CNTFR: variants seen among roughly 807,000 people sequenced by gnomAD.
CNTFR encodes ciliary neurotrophic factor receptor subunit alpha.
A neutral mutation model predicts 40.4 loss-of-function variants in CNTFR; 12 were observed. That is an observed-to-expected ratio of 0.30 (90% confidence interval 0.19 to 0.48). CNTFR has a LOEUF of 0.48. Ranked by LOEUF, CNTFR falls within the 20% of genes least tolerant of loss-of-function variation. CNTFR has a pLI of 0.99. For missense variants in CNTFR, 414 were observed against 506.8 expected, an observed-to-expected ratio of 0.82 and a Z score of 1.76; for synonymous variants, 202 against 209.6, an observed-to-expected ratio of 0.96 and a Z score of 0.31.
At position 34,564,956 on chromosome 9, in the gene CNTFR, G is replaced by T; in HGVS notation, c.86-124C>A. The T allele has an allele frequency of 1.2e-5, 9 of 757,422 alleles. No individual in the cohort carries two copies. The South Asian group carries it at 1.5e-4, about 13-fold the overall frequency. 46.9% of individuals were successfully genotyped at this position (757,422 alleles called of 1,614,324 possible). A position where few individuals can be genotyped will look rare whatever the true frequency, so the allele number is the denominator to read the frequency against. On this transcript the variant is annotated intron_variant, in intron 3 of 9. Coordinates refer to ENST00000378980, the MANE Select transcript of CNTFR (RefSeq NM_147164.3). ...AGTGAGGACGAGAGGCTCGGTGTCT[G>T]TGTGAGTGTTTGGGGAGATGAAGAG...
At position 34,556,238 on chromosome 9, in the gene CNTFR, C is replaced by G. The variant is rs750694184; in HGVS notation, c.768+17G>C. On this transcript the variant is annotated intron_variant, in intron 7 of 9. Coordinates refer to ENST00000378980, the MANE Select transcript of CNTFR (RefSeq NM_147164.3). ...CTAACTCAGGCACCCAGGATCTTGG[C>G]CGGGCAGGGCACTCACATGCTGCCA... The G allele has an allele frequency of 5.0e-6, 8 of 1,601,146 alleles. No individual in the cohort carries two copies. The highest frequency in any genetic ancestry group is 5.9e-6 in the Non-Finnish European group (7 of 1,176,590).
At chr9:34,567,829 A>AGTTTCACACTCTCAGAGAG (rs1826378829) in intron 3 of CNTFR, among the ~76,000 whole-genome samples, 1 of 152,170 alleles carries the variant, frequency 6.6e-6, no homozygotes. Flanking sequence ...ACAAGAACAC[A>AGTTTCACACTCTCAGAGAG]GTTTCACACT....
At position 34,576,436 on chromosome 9, in the gene CNTFR, C is replaced by T. The variant is rs557030657; in HGVS notation, c.-1+4659G>A. Among the ~76,000 whole-genome samples, 4 of 152,354 alleles carry T rather than the reference C, an allele frequency of 2.6e-5. No individual in the cohort carries two copies. In the East Asian group the frequency reaches 5.8e-4, roughly 22 times the overall value. ...CCCTTGGCCTCTCACGCCCCGACAC[C>T]GGCAATGGGAAACACCCACATACAC... On this transcript the variant is annotated intron_variant, in intron 2 of 9. Coordinates refer to ENST00000378980, the MANE Select transcript of CNTFR (RefSeq NM_147164.3).
Position 34,557,779 on chromosome 9 carries a change from G to A in CNTFR, c.438-87C>T. ...GAGGAAAGGTCAAGCCCAAGGCAGGGCTGGGGTATGGACAGAGGGCATGGT... is the reference window on the plus strand; with the variant it reads ...GAGGAAAGGTCAAGCCCAAGGCAGGACTGGGGTATGGACAGAGGGCATGGT... On this transcript the variant is annotated intron_variant, in intron 5 of 9. Transcript: ENST00000378980. This position sits in a 1 kb window ranked among gnomAD's most constrained non-coding sequence, Gnocchi z 4.2. 1 of 1,577,234 alleles carries A rather than the reference G, an allele frequency of 6.3e-7. No homozygotes were observed. Among genetic ancestry groups the A allele is most frequent in the Non-Finnish European group, 8.7e-7 (1 of 1,151,172 alleles).
At chr9:34,561,715 A>C (rs1021358238) in intron 4 of CNTFR, among the ~76,000 whole-genome samples, 1 of 152,242 alleles carries the variant, frequency 6.6e-6, no homozygotes, top group Admixed American at 6.5e-5. Context: ...ATCAGGGGTA[A>C]CTCTGTCCTG....
rs146053127 is a variant in CNTFR at position 34,580,927 on chromosome 9, G to A, written c.-1+168C>T. Among the ~76,000 whole-genome samples, 6 of 152,280 alleles carry A rather than the reference G, an allele frequency of 3.9e-5. No homozygotes were observed. In the East Asian group the frequency reaches 1.2e-3, roughly 29 times the overall value. ...CTCTTCCCTTTCTATTTGAGAGCATGAAAAGCCTCAGCCAGGCTGAGCCCA... is the reference window on the plus strand; with the variant it reads ...CTCTTCCCTTTCTATTTGAGAGCATAAAAAGCCTCAGCCAGGCTGAGCCCA... On this transcript the variant is annotated intron_variant, in intron 2 of 9. Transcript: ENST00000378980.
chr9:34,577,077 T>C (rs1310314813), intron 2 of CNTFR, among the ~76,000 whole-genome samples: 1 of 152,178 alleles, frequency 6.6e-6, no homozygotes, highest in African/African-American at 2.4e-5. Context: ...GGTGCTCCTC[T>C]AACTAACCAC....
chr9:34,566,601 C>T (rs1487279673), intron 3 of CNTFR, among the ~76,000 whole-genome samples: 1 of 152,166 alleles, frequency 6.6e-6, no homozygotes, highest in African/African-American at 2.4e-5. Context: ...AAGCCCCTCT[C>T]TCTGCACCCC....
intron 2 of CNTFR, among the ~76,000 whole-genome samples, chr9:34,579,506 G>C (rs756331106): frequency 1.3e-4 from 20 of 152,054 alleles, no homozygotes; most frequent in Non-Finnish European, 2.2e-4. Context: ...TGGGAGAGGA[G>C]AGACAGAAGG....
chr9:34,552,952 G>T lies in CNTFR; in HGVS notation c.769-98C>A. Reference sequence around the variant, plus strand: ...TGAGCATGCCTCTGAGGAGAGGAGAGTAAAGGGCTCTGGGGGCAGTGAGGA... The same window carrying T: ...TGAGCATGCCTCTGAGGAGAGGAGATTAAAGGGCTCTGGGGGCAGTGAGGA... On this transcript the variant is annotated intron_variant, in intron 7 of 9. Coordinates refer to ENST00000378980, the MANE Select transcript of CNTFR (RefSeq NM_147164.3). The surrounding 1 kb of genome is among the most constrained non-coding windows in gnomAD (Gnocchi z 5.1). The T allele has an allele frequency of 8.3e-7, 1 of 1,202,362 alleles. No homozygotes were observed. Among genetic ancestry groups the T allele is most frequent in the Non-Finnish European group, 1.2e-6 (1 of 847,092 alleles). 74.5% of individuals were successfully genotyped at this position (1,202,362 alleles called of 1,614,324 possible).
intron 2 of CNTFR, among the ~76,000 whole-genome samples, chr9:34,573,861 T>C (rs1222979327): frequency 6.6e-6 from 1 of 151,994 alleles, no homozygotes; most frequent in East Asian, 1.9e-4. Context: ...AGGAATTAGG[T>C]TGGAGCAGAG....
Position 34,589,188 on chromosome 9 carries a change from G to C in CNTFR, c.-112+367C>G, listed in dbSNP as rs993518634. 9.9e-5 allele frequency among the ~76,000 whole-genome samples: 15 copies of C among 152,034 alleles called. No individual in the cohort carries two copies. The highest frequency in any genetic ancestry group is 3.6e-4 in the African/African-American group (15 of 41,392). On this transcript the variant is annotated intron_variant, in intron 1 of 9. Transcript: ENST00000378980. This position sits in a 1 kb window ranked among gnomAD's most constrained non-coding sequence, Gnocchi z 4.4. Reference sequence around the variant, plus strand: ...CTGCCCGAGAAAGAAGCCACCTTTGGGCGCGCAAAGGCCACTACGAACCTC... The same window carrying C: ...CTGCCCGAGAAAGAAGCCACCTTTGCGCGCGCAAAGGCCACTACGAACCTC...
rs919391759 is a variant in CNTFR at position 34,551,740 on chromosome 9, C to T, written c.*331G>A. On this transcript the variant is annotated 3_prime_UTR_variant, in exon 10 of 10. Coordinates refer to ENST00000378980, the MANE Select transcript of CNTFR (RefSeq NM_147164.3). ...AGGAGGCTGGGGCAGGAGGAGAAAT[C>T]GGATGTGAGAGGCTCCCCTCACGTC... 9 of 528,036 alleles carry T rather than the reference C, an allele frequency of 1.7e-5. No individual in the cohort carries two copies. The highest frequency in any genetic ancestry group is 1.7e-4 in the East Asian group (5 of 29,532). 32.7% of individuals were successfully genotyped at this position (528,036 alleles called of 1,614,324 possible).
intron 3 of CNTFR, among the ~76,000 whole-genome samples, chr9:34,565,981 C>A (rs1000337098): frequency 2.0e-5 from 3 of 152,108 alleles, no homozygotes; most frequent in African/African-American, 7.2e-5. Context: ...CGTTAACACT[C>A]GCTTACATCT....
intron 1 of CNTFR, among the ~76,000 whole-genome samples, chr9:34,588,640 A>T (rs1456546048): frequency 6.6e-6 from 1 of 152,174 alleles, no homozygotes; most frequent in Non-Finnish European, 1.5e-5. Flanking sequence ...AAGAAAGAAA[A>T]TCCTGAATTT....
In CNTFR at chr9:34,557,560, A is replaced by T; in HGVS notation, c.570T>A (p.Asn190Lys). Residue 190 changes from asparagine (N) to lysine (K), a missense_variant, in exon 6 of 10, where the codon AAT (asparagine) becomes AAA (lysine). By Grantham distance (94) the Asn-to-Lys change is moderately conservative. This residue lies in a region of CNTFR where 250 missense variants were observed against 269.5 expected (regional missense o/e 0.93). Transcript: ENST00000378980. This position sits in a 1 kb window ranked among gnomAD's most constrained non-coding sequence, Gnocchi z 4.2. Reference sequence around the variant, plus strand: ...ACTCGTCAAAGGTGATAGCTGTGGCATTGTGGCCCAGGGCATTGCTGACAC... The same window carrying T: ...ACTCGTCAAAGGTGATAGCTGTGGCTTTGTGGCCCAGGGCATTGCTGACAC... ...SISVSNALGH[N>K]ATAITFDEFT... 1 of 1,614,176 alleles carries T rather than the reference A, an allele frequency of 6.2e-7. No homozygotes were observed. Among genetic ancestry groups the T allele is most frequent in the Non-Finnish European group, 8.5e-7 (1 of 1,180,022 alleles).
chr9:34,573,485 C>T (rs1041293898), intron 2 of CNTFR, among the ~76,000 whole-genome samples: 4 of 152,044 alleles, frequency 2.6e-5, no homozygotes, highest in African/African-American at 9.7e-5. Context: ...CAAGTGACCT[C>T]GAAGCAAGGT....
chr9:34,573,193 G>C (rs947322711), intron 2 of CNTFR, among the ~76,000 whole-genome samples: 1 of 152,212 alleles, frequency 6.6e-6, no homozygotes, highest in Non-Finnish European at 1.5e-5. Flanking sequence ...GCTGAGGGCA[G>C]AACCTGGGGG....
chr9:34,553,825 C>T (rs2132115800), intron 7 of CNTFR, among the ~76,000 whole-genome samples: 1 of 152,372 alleles, frequency 6.6e-6, no homozygotes, highest in Non-Finnish European at 1.5e-5. Context: ...ATTAAGCCGC[C>T]TCGTAAACAG....
Sources: allele counts gnomAD v4.1 joint callset (sites outside exome capture counted in the v4.1 genomes callset), GRCh38; gene constraint gnomAD v4.1.1; regional missense constraint gnomAD v4.1.1; non-coding constraint Gnocchi (gnomAD v3.1); transcripts MANE v1.5; gene names NCBI Gene and HGNC (gene_info 2026-07-23, HGNC 2026-07-21).